Variants in NEMP1 observed in about 807,000 individuals in gnomAD.
The protein encoded by NEMP1 is transmembrane protein 194.
A neutral mutation model predicts 53.7 loss-of-function variants in NEMP1; 29 were observed. The observed-to-expected ratio is 0.54, with a 90% confidence interval of 0.40 to 0.74. The LOEUF (loss-of-function observed/expected upper bound fraction) is 0.74, where lower values mean the gene tolerates loss of function less well. Ranked by LOEUF, NEMP1 falls within the 30% of genes least tolerant of loss-of-function variation. NEMP1 has a pLI of 0.00. For synonymous variants in NEMP1, 193 were observed against 192.9 expected (o/e 1.00, Z 0.00); for missense variants, 477 against 528.6 (o/e 0.90, Z 0.96).
At chr12:57,085,069 A>C (rs1200689525) in intron 1 of NEMP1, among the ~76,000 whole-genome samples, 1 of 152,164 alleles carries the variant, frequency 6.6e-6, no homozygotes, top group Non-Finnish European at 1.5e-5. Context: ...AATAATGAAC[A>C]ACCTTTTATA....
intron 1 of NEMP1, among the ~76,000 whole-genome samples, chr12:57,077,055 G>A (rs1409599071): frequency 6.6e-6 from 1 of 152,006 alleles, no homozygotes; most frequent in African/African-American, 2.4e-5. Flanking sequence ...TTTTAAGGCC[G>A]GGTGTGGAGG....
At chr12:57,078,808 C>A, upstream of NEMP1, 1 of 1,549,754 alleles carries the variant, frequency 6.5e-7, no homozygotes, top group Non-Finnish European at 8.7e-7. Flanking sequence ...GAACGGGCAA[C>A]GACAGCAGCC....
At chr12:57,085,182 GTTTTTGT>G (rs1193879772) in intron 1 of NEMP1, among the ~76,000 whole-genome samples, 3 of 151,980 alleles carry the variant, frequency 2.0e-5, no homozygotes, top group Admixed American at 6.6e-5. Flanking sequence ...TTTTGTTTTT[GTTTTTGT>G]TTTTTGTTTT....
intron 4 of NEMP1, among the ~76,000 whole-genome samples, chr12:57,068,205 T>C (rs1242001871): frequency 1.3e-5 from 2 of 152,180 alleles, no homozygotes; most frequent in African/African-American, 4.8e-5. Flanking sequence ...ACTCCACAAA[T>C]ACTTTTTACT....
chr12:57,062,801 G>C (rs879801008), intron 7 of NEMP1, among the ~76,000 whole-genome samples: 1 of 151,946 alleles, frequency 6.6e-6, no homozygotes, highest in Non-Finnish European at 1.5e-5. Context: ...CCGAGATCAC[G>C]CCACTGCACT....
intron 1 of NEMP1, among the ~76,000 whole-genome samples, chr12:57,087,309 G>A (rs2033032061): frequency 6.6e-6 from 1 of 152,132 alleles, no homozygotes; most frequent in Non-Finnish European, 1.5e-5. Context: ...GGCCGGGGTG[G>A]GAGGGAGGGG....
rs532342532 is a variant in NEMP1, at chr12:57,067,148, A to AC, written c.545+2085dup. On this transcript the variant is annotated intron_variant, in intron 4 of 8. Transcript: ENST00000300128. Reference sequence around the variant, plus strand: ...AGACCATCCTGGCTAACACGGTGAAACCCGTCTCTACTAAAAATACAAAAA... The same window carrying AC: ...AGACCATCCTGGCTAACACGGTGAAACCCCGTCTCTACTAAAAATACAAAAA... 7.0e-3 allele frequency among the ~76,000 whole-genome samples: 1,069 copies of AC among 151,890 alleles called. 15 individuals are homozygous for AC. Among genetic ancestry groups the AC allele is most frequent in the African/African-American group, 0.024 (995 of 41,394 alleles).
chr12:57,085,861 C>G (rs1363198703), intron 1 of NEMP1, among the ~76,000 whole-genome samples: 4 of 152,328 alleles, frequency 2.6e-5, no homozygotes, highest in African/African-American at 9.6e-5. Flanking sequence ...GGCTCAGCCC[C>G]TTTGGGAGTA....
At chr12:57,060,129 A>T (rs2031729795) in intron 8 of NEMP1, 70 bp from the exon 9 acceptor site, 1 of 1,470,158 alleles carries the variant, frequency 6.8e-7, no homozygotes. Context: ...CAAAATAAGA[A>T]CAAATTAAAG....
chr12:57,060,415 A>G (rs1009818047), intron 8 of NEMP1, among the ~76,000 whole-genome samples: 2 of 152,192 alleles, frequency 1.3e-5, no homozygotes, highest in African/African-American at 4.8e-5. Flanking sequence ...ACTTTATGCC[A>G]TCATGATTCC....
At chr12:57,083,011 C>G (rs2032892626), upstream of NEMP1, among the ~76,000 whole-genome samples, 1 of 151,896 alleles carries the variant, frequency 6.6e-6, no homozygotes, top group Non-Finnish European at 1.5e-5. Flanking sequence ...GAGTGAGACC[C>G]TGTCTCAAAA....
chr12:57,079,519 C>T (rs928483513), upstream of NEMP1, among the ~76,000 whole-genome samples: 1 of 152,164 alleles, frequency 6.6e-6, no homozygotes, highest in Non-Finnish European at 1.5e-5. Flanking sequence ...GTCTGTGATC[C>T]CAACCTAAAT....
intron 6 of NEMP1, 101 bp downstream of exon 6, chr12:57,063,970 T>C: frequency 1.5e-6 from 1 of 645,858 alleles, no homozygotes; most frequent in Non-Finnish European, 2.6e-6. Flanking sequence ...AAAAATGACA[T>C]GAACTATTAA....
chr12:57,060,092 A>C, intron 8 of NEMP1, 33 bp from the exon 9 acceptor site: 1 of 1,600,292 alleles, frequency 6.2e-7, no homozygotes, highest in South Asian at 1.1e-5. Context: ...CGTTAGAAAT[A>C]TCCTTCTGTC....
At chr12:57,086,868 G>A (rs933992555) in intron 1 of NEMP1, among the ~76,000 whole-genome samples, 5 of 152,242 alleles carry the variant, frequency 3.3e-5, no homozygotes, top group Non-Finnish European at 5.9e-5. Flanking sequence ...CGGGTACAGA[G>A]ACACAAACTG....
In NEMP1 at chr12:57,060,620, G is replaced by A. The variant is rs1437303777; in HGVS notation, c.1154+152C>T. 1.3e-5 allele frequency: 10 copies of A among 758,604 alleles called. No homozygotes were observed. The South Asian group carries it at 1.9e-4, about 14-fold the overall frequency. The allele number at this position is 758,604 out of a possible 1,614,324, so 47.0% of individuals were successfully genotyped here. ...CTGAGGAAACAGGTTACTGCTTAATGTGTGATTATATATCCACCCTTCTCT... is the reference window on the plus strand; with the variant it reads ...CTGAGGAAACAGGTTACTGCTTAATATGTGATTATATATCCACCCTTCTCT... On this transcript the variant is annotated intron_variant, in intron 8 of 8. Transcript: ENST00000300128.
rs1165079372 is a variant in NEMP1, at chr12:57,070,631, T to C, written c.472+43A>G. On this transcript the variant is annotated intron_variant, in intron 3 of 8. Coordinates refer to ENST00000300128, the MANE Select transcript of NEMP1 (RefSeq NM_001130963.2). ...AATTATACCCTTCAGAACTCAGTCC[T>C]TATCACTACAGAATCCATCAGAAAA... 2.0e-6 allele frequency: 3 copies of C among 1,500,306 alleles called. No individual in the cohort carries two copies. In the Admixed American group the frequency reaches 6.0e-5, roughly 30 times the overall value. 92.9% of individuals were successfully genotyped at this position (1,500,306 alleles called of 1,614,324 possible).
intron 1 of NEMP1, among the ~76,000 whole-genome samples, chr12:57,085,385 G>A (rs779013875): frequency 6.6e-6 from 1 of 151,952 alleles, no homozygotes; most frequent in Non-Finnish European, 1.5e-5. Context: ...CACCTCCTTT[G>A]GATGCCTGTC....
At chr12:57,077,514 C>T (rs1350261617) in intron 1 of NEMP1, among the ~76,000 whole-genome samples, 1 of 151,492 alleles carries the variant, frequency 6.6e-6, no homozygotes, top group Non-Finnish European at 1.5e-5. Flanking sequence ...AACAAACAAA[C>T]AAAAAAACAA....
Sources: allele counts gnomAD v4.1 joint callset (sites outside exome capture counted in the v4.1 genomes callset), GRCh38; gene constraint gnomAD v4.1.1; transcripts MANE v1.5; gene names NCBI Gene and HGNC (gene_info 2026-07-23, HGNC 2026-07-21).